The following SNTG1 variants were observed in gnomAD, a reference collection of about 807,000 sequenced individuals.
SNTG1 encodes the protein gamma-1-syntrophin.
Under a neutral mutation model 74.7 loss-of-function variants are expected in SNTG1, and 39 were observed. The ratio of observed to expected loss-of-function variants is 0.52; its 90% confidence interval spans 0.40 to 0.68. SNTG1 has a LOEUF of 0.68. Ranked by LOEUF, SNTG1 falls within the 30% of genes least tolerant of loss-of-function variation. SNTG1 has a pLI of 0.00. For missense variants in SNTG1, 685 were observed against 609.5 expected (o/e 1.12, Z -1.30); for synonymous variants, 254 against 217.1 (o/e 1.17, Z -1.49).
chr8:50,144,257 C>T lies in SNTG1; in HGVS notation c.-102-28304C>T, dbSNP rs182259016. Reference sequence around the variant, plus strand: ...AATTACTTAGAATGCATTGTATGTTCGGGCCACAGATGGAAGGCAGATGGA... The same window carrying T: ...AATTACTTAGAATGCATTGTATGTTTGGGCCACAGATGGAAGGCAGATGGA... On this transcript the variant is annotated intron_variant, in intron 1 of 18. Transcript: ENST00000642720. Among the ~76,000 whole-genome samples the T allele has an allele frequency of 7.2e-5, 11 of 152,224 alleles. No homozygotes were observed. The East Asian group carries it at 2.1e-3, about 29-fold the overall frequency.
intron 13 of SNTG1, among the ~76,000 whole-genome samples, chr8:50,617,171 C>A (rs975897351): frequency 6.6e-6 from 1 of 152,288 alleles, no homozygotes; most frequent in South Asian, 2.1e-4. Context: ...CCACAGTATA[C>A]ATCCATTTAC....
At chr8:50,671,873 G>A (rs1210187284) in intron 15 of SNTG1, among the ~76,000 whole-genome samples, 1 of 151,786 alleles carries the variant, frequency 6.6e-6, no homozygotes, top group Non-Finnish European at 1.5e-5. Flanking sequence ...CATAAAAAAT[G>A]ATGAGTTCAT....
chr8:50,164,510 T>C (rs1202139862), intron 1 of SNTG1: 2 of 152,158 alleles, frequency 1.3e-5, no homozygotes, highest in Admixed American at 6.5e-5. Context: ...ATTAGATAGG[T>C]TGTTAAGTAG....
chr8:50,750,807 G>T (rs193161405), intron 17 of SNTG1, among the ~76,000 whole-genome samples: 1 of 151,766 alleles, frequency 6.6e-6, no homozygotes, highest in African/African-American at 2.4e-5. Flanking sequence ...TATATGCATT[G>T]GGGAACCAAA....
intron 1 of SNTG1, among the ~76,000 whole-genome samples, chr8:49,941,899 G>A (rs1266806923): frequency 6.6e-6 from 1 of 152,188 alleles, no homozygotes; most frequent in Non-Finnish European, 1.5e-5. Context: ...TTATTAGTAT[G>A]CAAGACCTAC....
intron 2 of SNTG1, among the ~76,000 whole-genome samples, chr8:50,325,189 G>T (rs1398543867): frequency 6.6e-6 from 1 of 151,188 alleles, no homozygotes; most frequent in Non-Finnish European, 1.5e-5. Context: ...CTACAATATT[G>T]TATTGCCCAT....
At chr8:50,196,481 C>T (rs969216572) in intron 2 of SNTG1, among the ~76,000 whole-genome samples, 2 of 152,066 alleles carry the variant, frequency 1.3e-5, no homozygotes, top group African/African-American at 4.8e-5. Context: ...ACTTTTACAG[C>T]AAGTGTGGAT....
intron 12 of SNTG1, among the ~76,000 whole-genome samples, chr8:50,576,079 C>A (rs2094575140): frequency 6.6e-6 from 1 of 152,120 alleles, no homozygotes; most frequent in African/African-American, 2.4e-5. Flanking sequence ...GCTTTTCTTC[C>A]AGGATGCCAA....
Position 50,151,976 on chromosome 8 carries a change from T to G in SNTG1, c.-102-20585T>G, listed in dbSNP as rs984422453. On this transcript the variant is annotated intron_variant, in intron 1 of 18. Transcript: ENST00000642720. ...TTCCTGGATATCCTTGTTAACTTTC[T>G]GTCTCATTGATCTGTCTAATGTTGA... 1.8e-4 allele frequency among the ~76,000 whole-genome samples: 27 copies of G among 152,332 alleles called. 1 individual carries two copies. Among genetic ancestry groups the G allele is most frequent in the African/African-American group, 6.3e-4 (26 of 41,574 alleles).
At chr8:50,301,742 C>T (rs986086181) in intron 2 of SNTG1, among the ~76,000 whole-genome samples, 16 of 152,122 alleles carry the variant, frequency 1.1e-4, no homozygotes, top group African/African-American at 3.6e-4. Flanking sequence ...TTATTTTGGT[C>T]ATTCATTTTT....
chr8:50,549,750 G>A (rs377126938), intron 11 of SNTG1, among the ~76,000 whole-genome samples: 7 of 152,196 alleles, frequency 4.6e-5, no homozygotes, highest in African/African-American at 1.4e-4. Flanking sequence ...TCATGCCTTG[G>A]ACATTTGCTT....
intron 12 of SNTG1, among the ~76,000 whole-genome samples, chr8:50,587,066 C>T (rs982204176): frequency 2.6e-5 from 4 of 151,856 alleles, no homozygotes; most frequent in Admixed American, 6.6e-5. Context: ...AAATCAATTT[C>T]GGTTCACGCT....
chr8:50,239,282 A>C (rs2086061020), intron 2 of SNTG1, among the ~76,000 whole-genome samples: 1 of 152,200 alleles, frequency 6.6e-6, no homozygotes, highest in Non-Finnish European at 1.5e-5. Context: ...GTTCATTCGC[A>C]CACTGCTATA....
intron 1 of SNTG1, among the ~76,000 whole-genome samples, chr8:50,038,800 TAATAGTG>T (rs764317583): frequency 4.1e-4 from 63 of 152,210 alleles, no homozygotes; most frequent in Non-Finnish European, 7.5e-4. Context: ...TGCTCTCTTA[TAATAGTG>T]AATGACATAC....
chr8:50,481,696 T>C (rs1265363770), intron 8 of SNTG1, among the ~76,000 whole-genome samples: 1 of 152,204 alleles, frequency 6.6e-6, no homozygotes, highest in Non-Finnish European at 1.5e-5. Context: ...TTTAGATACT[T>C]TTCCTCATCA....
intron 1 of SNTG1, among the ~76,000 whole-genome samples, chr8:49,913,849 G>T (rs923967862): frequency 6.6e-6 from 1 of 152,172 alleles, no homozygotes; most frequent in Admixed American, 6.5e-5. Flanking sequence ...GGCATAAAAT[G>T]TAAGCAGAGA....
chr8:50,115,575 A>AAAAAAAAAAAACAAAAAAAAAC (rs2080784600), intron 1 of SNTG1, among the ~76,000 whole-genome samples: 1 of 144,776 alleles, frequency 6.9e-6, no homozygotes, highest in Non-Finnish European at 1.5e-5. Flanking sequence ...CTCAAAAAAA[A>AAAAAAAAAAAACAAAAAAAAAC]AAAAAAAAAA....
At position 50,211,144 on chromosome 8, in the gene SNTG1, G is replaced by C. The variant is rs184132160; in HGVS notation, c.-28+38509G>C. ...CCAAAATATGTTGACTCTAGAGGCT[G>C]TGCACAATGGATTTTTTAAAATTAC... On this transcript the variant is annotated intron_variant, in intron 2 of 18. Transcript: ENST00000642720. Among the ~76,000 whole-genome samples the C allele has an allele frequency of 1.6e-3, 249 of 152,222 alleles. 1 individual carries two copies. Among genetic ancestry groups the C allele is most frequent in the Middle Eastern group, 3.4e-3 (1 of 294 alleles).
intron 1 of SNTG1, among the ~76,000 whole-genome samples, chr8:49,980,350 T>A (rs1430738343): frequency 6.6e-6 from 1 of 151,952 alleles, no homozygotes; most frequent in Non-Finnish European, 1.5e-5. Context: ...AATCAACTGG[T>A]AGCTTCAGCT....
Sources: allele counts gnomAD v4.1 joint callset (sites outside exome capture counted in the v4.1 genomes callset), GRCh38; gene constraint gnomAD v4.1.1; transcripts MANE v1.5; gene names NCBI Gene and HGNC (gene_info 2026-07-23, HGNC 2026-07-21).